AGBL2: variants seen among roughly 807,000 people sequenced by gnomAD.
AGBL2 encodes AGBL carboxypeptidase 2, also known as cytosolic carboxypeptidase 2.
A neutral mutation model predicts 103.0 loss-of-function variants in AGBL2; 87 were observed. The observed-to-expected ratio is 0.84, with a 90% confidence interval of 0.71 to 1.01. AGBL2 has a LOEUF of 1.01. Ranked by LOEUF, AGBL2 falls within the 50% of genes least tolerant of loss-of-function variation. The probability of loss-of-function intolerance (pLI) is 0.00; values close to 1 mark genes in which losing one functional copy is unlikely to be tolerated. For synonymous variants in AGBL2, 335 were observed against 356.7 expected, an observed-to-expected ratio of 0.94 and a Z score of 0.69; for missense variants, 904 against 1,023.5, an observed-to-expected ratio of 0.88 and a Z score of 1.59.
At chr11:47,672,451 A>C (rs1400012687) in intron 14 of AGBL2, among the ~76,000 whole-genome samples, 1 of 152,116 alleles carries the variant, frequency 6.6e-6, no homozygotes, top group Non-Finnish European at 1.5e-5. Context: ...AGTAGCTGGG[A>C]CAACAGGCAT....
rs537762052 is a variant in AGBL2 at position 47,711,814 on chromosome 11, C to T, written c.98-1303G>A. On this transcript the variant is annotated intron_variant, in intron 3 of 18. Coordinates refer to ENST00000525123, the MANE Select transcript of AGBL2 (RefSeq NM_024783.4). The stretch of plus-strand genomic sequence containing the variant: ...CCTCCCAAAGTGCTGGGATTACAGG[C>T]GTGAGCCACCACGCCCGGCCTGAAG... 1.9e-4 allele frequency among the ~76,000 whole-genome samples: 29 copies of T among 152,172 alleles called. No homozygotes were observed. The East Asian group carries it at 5.4e-3, about 28-fold the overall frequency.
In AGBL2 at chr11:47,704,664, T is replaced by C; in HGVS notation, c.465A>G (p.Glu155=). The change falls in exon 7 of 19, where the codon GAA becomes GAG. Residue 155 remains glutamate (E), a synonymous_variant. Coordinates refer to ENST00000525123, the MANE Select transcript of AGBL2 (RefSeq NM_024783.4). The part of the protein sequence containing the change: ...SRQLLYDELD[E]VNPRLREPQE... ...GGGGTTCTCGAAGACGTGGGTTTAC[T>C]TCATCCAACTCATCATAAAGAAGCT... 1 of 1,614,100 alleles carries C rather than the reference T, an allele frequency of 6.2e-7. No individual in the cohort carries two copies. Among genetic ancestry groups the C allele is most frequent in the African/African-American group, 1.3e-5 (1 of 75,044 alleles).
intron 14 of AGBL2, among the ~76,000 whole-genome samples, chr11:47,669,555 T>C (rs2153802847): frequency 6.6e-6 from 1 of 152,174 alleles, no homozygotes; most frequent in South Asian, 2.1e-4. Flanking sequence ...GGCGCACGCC[T>C]GTAGTCCCAG....
At chr11:47,668,209 A>C (rs2097346920) in intron 15 of AGBL2, among the ~76,000 whole-genome samples, 2 of 21,408 alleles carry the variant, frequency 9.3e-5, no homozygotes, top group Non-Finnish European at 9.8e-4. Context: ...ACTCCATCTC[A>C]AAAAAAAAAA....
intron 3 of AGBL2, among the ~76,000 whole-genome samples, chr11:47,713,318 T>G (rs538636260): frequency 7.2e-6 from 1 of 138,676 alleles, no homozygotes; most frequent in African/African-American, 2.7e-5. Context: ...CATTTCAGCC[T>G]GGGTGAAAAG....
rs1161986259 is a variant in AGBL2, at chr11:47,662,973, A to G, written c.2535+53T>C. On this transcript the variant is annotated intron_variant, in intron 18 of 18. Coordinates refer to ENST00000525123, the MANE Select transcript of AGBL2 (RefSeq NM_024783.4). Reference sequence around the variant, plus strand: ...AAATCACATAATACATTTGAGAACTAATTAAAATTAATCACTGGCATATAA... The same window carrying G: ...AAATCACATAATACATTTGAGAACTGATTAAAATTAATCACTGGCATATAA... 46 of 1,353,128 alleles carry G rather than the reference A, an allele frequency of 3.4e-5. No homozygotes were observed. The Admixed American group carries it at 9.4e-4, about 28-fold the overall frequency. 83.8% of individuals were successfully genotyped at this position (1,353,128 alleles called of 1,614,324 possible).
In AGBL2 at chr11:47,690,613, T is replaced by C. The variant is rs1437835913; in HGVS notation, c.1094A>G (p.Asn365Ser). Reference sequence around the variant, plus strand: ...GGGCTGCTGCCCATCATCCGTGTTGTTCTTGTAGTACTTGATTTCATTTCC... The same window carrying C: ...GGGCTGCTGCCCATCATCCGTGTTGCTCTTGTAGTACTTGATTTCATTTCC... ...REGNEIKYYK[N>S]NTDDGQQPFY... Residue 365 changes from asparagine (N) to serine (S), a missense_variant, in exon 10 of 19, where the codon AAC becomes AGC. Coordinates refer to ENST00000525123, the MANE Select transcript of AGBL2 (RefSeq NM_024783.4). 6.2e-7 allele frequency: 1 copy of C among 1,614,192 alleles called. No homozygotes were observed. Among genetic ancestry groups the C allele is most frequent in the Non-Finnish European group, 8.5e-7 (1 of 1,180,034 alleles).
intron 18 of AGBL2, 61 bp downstream of exon 18, chr11:47,662,965 T>G: frequency 1.1e-5 from 14 of 1,322,104 alleles, no homozygotes; most frequent in Non-Finnish European, 1.4e-5. Flanking sequence ...ATAATACATT[T>G]GAGAACTAAT....
rs541766540 is a variant in AGBL2 at position 47,668,718 on chromosome 11, T to C, written c.2214+123A>G. The C allele has an allele frequency of 1.1e-5, 8 of 701,882 alleles. No homozygotes were observed. In the African/African-American group the frequency reaches 1.4e-4, roughly 12 times the overall value. The allele number at this position is 701,882 out of a possible 1,614,324, so 43.5% of individuals were successfully genotyped here. ...AGAGACTTTAGGGCAAGGTGACTAG[T>C]TAGGACATTACTGTATATTTTCTGC... is the stretch of plus-strand genomic sequence containing the variant. On this transcript the variant is annotated intron_variant, in intron 15 of 18. Transcript: ENST00000525123.
At chr11:47,687,847 A>C (rs1348231097) in intron 10 of AGBL2, among the ~76,000 whole-genome samples, 2 of 136,086 alleles carry the variant, frequency 1.5e-5, no homozygotes, top group African/African-American at 5.6e-5. Flanking sequence ...TCACTCTGTC[A>C]CCTAGGCTGG....
At chr11:47,697,675 A>C (rs1349931390) in intron 8 of AGBL2, among the ~76,000 whole-genome samples, 1 of 148,376 alleles carries the variant, frequency 6.7e-6, no homozygotes, top group Non-Finnish European at 1.5e-5. Flanking sequence ...CCTCCCGAGT[A>C]GCTGGGACTA....
At chr11:47,683,102 G>A (rs970581360) in intron 11 of AGBL2, among the ~76,000 whole-genome samples, 2 of 152,218 alleles carry the variant, frequency 1.3e-5, no homozygotes, top group African/African-American at 4.8e-5. Flanking sequence ...CGGGTATGGT[G>A]GCTCATGCCT....
At position 47,663,094 on chromosome 11, in the gene AGBL2, C is replaced by G; in HGVS notation, c.2467G>C (p.Asp823His). 10 of 1,590,916 alleles carry G rather than the reference C, an allele frequency of 6.3e-6. No individual in the cohort carries two copies. Among genetic ancestry groups the G allele is most frequent in the Non-Finnish European group, 8.5e-6 (10 of 1,174,916 alleles). ...RLNETNLNRR[D>H]KDTPLDPSMA... ...GATGGGTCCAGGGGGGTGTCTTTGTCTCTTCTATTTAAATTTGTCTAAAAT... is the reference window on the plus strand; with the variant it reads ...GATGGGTCCAGGGGGGTGTCTTTGTGTCTTCTATTTAAATTTGTCTAAAAT... Residue 823 changes from aspartate (D) to histidine (H), a missense_variant, in exon 18 of 19, where the codon GAC becomes CAC. Physicochemically the swap from Asp to His is moderately conservative, Grantham distance 81 (BLOSUM62 -1). Coordinates refer to ENST00000525123, the MANE Select transcript of AGBL2 (RefSeq NM_024783.4).
chr11:47,691,710 GAAAA>G (rs1225683970), intron 9 of AGBL2, among the ~76,000 whole-genome samples: 1 of 1,328 alleles, frequency 7.5e-4, no homozygotes, highest in African/African-American at 1.2e-3. Context: ...TCCATCTCAA[GAAAA>G]AAAAAAAAAA....
chr11:47,660,122 C>G lies in AGBL2; in HGVS notation c.*51G>C. 1 of 1,551,786 alleles carries G rather than the reference C, an allele frequency of 6.4e-7. No individual in the cohort carries two copies. Among genetic ancestry groups the G allele is most frequent in the South Asian group, 1.2e-5 (1 of 82,484 alleles). ...ACATCTCCCCCATTATAAAATGTGTCTAATCTCAAAACCCCCGATGAAGTG... is the reference window on the plus strand; with the variant it reads ...ACATCTCCCCCATTATAAAATGTGTGTAATCTCAAAACCCCCGATGAAGTG... On this transcript the variant is annotated 3_prime_UTR_variant, in exon 19 of 19. Coordinates refer to ENST00000525123, the MANE Select transcript of AGBL2 (RefSeq NM_024783.4).
chr11:47,660,167 G>A lies in AGBL2; in HGVS notation c.*6C>T. The A allele has an allele frequency of 6.2e-7, 1 of 1,604,834 alleles. No homozygotes were observed. Among genetic ancestry groups the A allele is most frequent in the Non-Finnish European group, 8.5e-7 (1 of 1,175,262 alleles). ...GAAGTGCTTGTGTGGCACAGCCCAG[G>A]CTCACCTACGGGTATGTGTATATGT... On this transcript the variant is annotated 3_prime_UTR_variant, in exon 19 of 19. Transcript: ENST00000525123.
chr11:47,667,509 C>G, intron 16 of AGBL2, 62 bp downstream of exon 16: 1 of 1,580,678 alleles, frequency 6.3e-7, no homozygotes, highest in Middle Eastern at 1.8e-4. Flanking sequence ...ACCCCCTTTC[C>G]TTATCCCTCT....
At chr11:47,698,426 C>T (rs1351338177) in intron 8 of AGBL2, among the ~76,000 whole-genome samples, 2 of 152,028 alleles carry the variant, frequency 1.3e-5, no homozygotes, top group African/African-American at 4.8e-5. Context: ...CCTGCCTCGG[C>T]CTCCCAAAGT....
intron 11 of AGBL2, among the ~76,000 whole-genome samples, chr11:47,683,590 GA>G (rs1388354626): frequency 6.6e-6 from 1 of 150,972 alleles, no homozygotes; most frequent in Non-Finnish European, 1.5e-5. Context: ...TCAACATGGT[GA>G]AACCCCGTCT....
Sources: gnomAD v4.1 joint callset for allele counts (sites outside exome capture counted in the v4.1 genomes callset) on GRCh38, gnomAD v4.1.1 for gene constraint, MANE v1.5 for transcripts, NCBI Gene and HGNC (gene_info 2026-07-23, HGNC 2026-07-21) for gene names.